Variants in MASP1 observed in about 807,000 individuals in gnomAD.
MASP1 encodes the protein MBL associated serine protease 1.
A neutral mutation model predicts 77.1 loss-of-function variants in MASP1; 59 were observed. The ratio of observed to expected loss-of-function variants is 0.77; its 90% confidence interval spans 0.62 to 0.95. The LOEUF is 0.95. Ranked by LOEUF, MASP1 falls within the 40% of genes least tolerant of loss-of-function variation. The probability of loss-of-function intolerance (pLI) is 0.00; values close to 1 mark genes in which losing one functional copy is unlikely to be tolerated. For missense variants in MASP1, 885 were observed against 912.9 expected, an observed-to-expected ratio of 0.97 and a Z score of 0.39; for synonymous variants, 362 against 354.5, an observed-to-expected ratio of 1.02 and a Z score of -0.24.
intron 8 of MASP1, 179 bp from the exon 9 acceptor site, chr3:187,243,800 C>A: frequency 1.4e-6 from 1 of 721,694 alleles, no homozygotes; most frequent in Admixed American, 2.0e-5. Flanking sequence ...TGAAGCTACC[C>A]ATGGTCCTGC....
At chr3:187,239,085 G>A (rs1226259443) in intron 10 of MASP1, among the ~76,000 whole-genome samples, 1 of 151,904 alleles carries the variant, frequency 6.6e-6, no homozygotes. Flanking sequence ...GCTCATGCCT[G>A]TAATCCCAGC....
downstream of MASP1, among the ~76,000 whole-genome samples, chr3:187,230,722 C>T (rs1270602545): frequency 1.3e-5 from 2 of 152,182 alleles, no homozygotes; most frequent in African/African-American, 4.8e-5. Flanking sequence ...CCTCGGAGAC[C>T]ATCTGGTCTA....
chr3:187,260,710 G>A, intron 4 of MASP1, 31 bp downstream of exon 4: 2 of 1,613,948 alleles, frequency 1.2e-6, no homozygotes, highest in Non-Finnish European at 1.7e-6. Flanking sequence ...GGCCTATAAG[G>A]GCAATGCATA....
At chr3:187,243,434 G>A in intron 9 of MASP1, 50 bp downstream of exon 9, 1 of 1,608,092 alleles carries the variant, frequency 6.2e-7, no homozygotes, top group Non-Finnish European at 8.5e-7. Context: ...CAACCCTGAG[G>A]CCCCGAGAGT....
intron 2 of MASP1, among the ~76,000 whole-genome samples, chr3:187,277,873 G>A (rs1241585002): frequency 6.6e-6 from 1 of 152,164 alleles, no homozygotes. Flanking sequence ...TTCGAATAGT[G>A]CTTTGGAAGC....
chr3:187,234,461 G>C lies in MASP1; in HGVS notation c.*1223C>G, dbSNP rs2108510768. On this transcript the variant is annotated 3_prime_UTR_variant, in exon 11 of 11. Coordinates refer to ENST00000296280, the MANE Select transcript of MASP1 (RefSeq NM_139125.4). ...CCAGCCTGTTGCTGACGGAGAACCA[G>C]AGACTCAGACAAAGAAAATGATTTT... is the stretch of plus-strand genomic sequence containing the variant. 1 of 1,285,710 alleles carries C rather than the reference G, an allele frequency of 7.8e-7. No homozygotes were observed. Among genetic ancestry groups the C allele is most frequent in the Middle Eastern group, 3.3e-4 (1 of 3,056 alleles). 79.6% of individuals were successfully genotyped at this position (1,285,710 alleles called of 1,614,324 possible).
chr3:187,243,866 A>C (rs958659186), intron 8 of MASP1: 106 of 544,280 alleles, frequency 1.9e-4, no homozygotes, highest in Admixed American at 1.3e-3. Flanking sequence ...TCACCTGCCC[A>C]GTGTCAATTT....
At chr3:187,241,724 A>C in intron 9 of MASP1, 169 bp from the exon 10 acceptor site, 1 of 580,930 alleles carries the variant, frequency 1.7e-6, no homozygotes, top group Non-Finnish European at 3.2e-6. Context: ...ACTAAGAAGA[A>C]TGAGGAAGAA....
At chr3:187,233,519 A>G (rs2108509707), downstream of MASP1, among the ~76,000 whole-genome samples, 1 of 152,142 alleles carries the variant, frequency 6.6e-6, no homozygotes, top group East Asian at 1.9e-4. Context: ...TGTTCCTTTT[A>G]CATTTAACTC....
chr3:187,264,967 A>G (rs1715896143), intron 2 of MASP1, among the ~76,000 whole-genome samples: 1 of 152,072 alleles, frequency 6.6e-6, no homozygotes, highest in African/African-American at 2.4e-5. Context: ...ACACTGCCGT[A>G]TTCTGCATTT....
At chr3:187,254,849 C>A (rs1714938944) in intron 5 of MASP1, among the ~76,000 whole-genome samples, 1 of 152,002 alleles carries the variant, frequency 6.6e-6, no homozygotes, top group African/African-American at 2.4e-5. Context: ...CTTTGAGGGC[C>A]ATGACTCCTT....
At chr3:187,276,066 A>T (rs1560031718) in intron 2 of MASP1, among the ~76,000 whole-genome samples, 1 of 150,644 alleles carries the variant, frequency 6.6e-6, no homozygotes, top group Non-Finnish European at 1.5e-5. Context: ...GGCACTTTCC[A>T]CCTGAGGGCA....
chr3:187,280,413 G>C (rs1717316700), intron 2 of MASP1, among the ~76,000 whole-genome samples: 1 of 152,226 alleles, frequency 6.6e-6, no homozygotes, highest in African/African-American at 2.4e-5. Flanking sequence ...TCCTTTTACA[G>C]TGAATAGATG....
intron 2 of MASP1, among the ~76,000 whole-genome samples, chr3:187,282,979 C>T (rs964548127): frequency 1.3e-5 from 2 of 152,188 alleles, no homozygotes; most frequent in Non-Finnish European, 1.5e-5. Context: ...CTCTGTTATG[C>T]CCAGAGGTCA....
chr3:187,262,470 A>G, intron 3 of MASP1, 73 bp downstream of exon 3: 1 of 1,431,028 alleles, frequency 7.0e-7, no homozygotes, highest in Non-Finnish European at 9.9e-7. Flanking sequence ...ATCGTAAAGG[A>G]GAGGTCACAA....
intron 4 of MASP1, among the ~76,000 whole-genome samples, chr3:187,257,692 A>G (rs1171473413): frequency 6.6e-6 from 1 of 152,160 alleles, no homozygotes; most frequent in Admixed American, 6.5e-5. Context: ...GCCTCCTTAC[A>G]TATTTTAAAT....
intron 2 of MASP1, among the ~76,000 whole-genome samples, chr3:187,264,182 A>G (rs909119847): frequency 2.4e-4 from 37 of 152,354 alleles, no homozygotes; most frequent in Admixed American, 2.0e-3. Flanking sequence ...TGGGAGTTTC[A>G]AAGAAAAACA....
At chr3:187,277,217 G>A (rs1717037194) in intron 2 of MASP1, among the ~76,000 whole-genome samples, 1 of 152,144 alleles carries the variant, frequency 6.6e-6, no homozygotes, top group Admixed American at 6.5e-5. Flanking sequence ...CTAGGCCAGA[G>A]CCCTTTCCAC....
rs774753334 is a variant in MASP1, at chr3:187,235,911, C to T, written c.1960G>A (p.Glu654Lys). Residue 654 changes from glutamate to lysine, a missense_variant, in exon 11 of 11, where the codon GAG (glutamate) becomes AAG (lysine). Glu to Lys is a moderately conservative substitution (Grantham distance 56). Transcript: ENST00000296280. ...CCAAGGCACGTGTCTTTGCCGCCCT[C>T]GTAGTAGCCAGCACAGAACATGTTC... Reference protein sequence around the residue: ...TENMFCAGYYEGGKDTCLGDS... With the variant: ...TENMFCAGYYKGGKDTCLGDS... The T allele has an allele frequency of 1.1e-5, 18 of 1,614,104 alleles. No homozygotes were observed. Among genetic ancestry groups the T allele is most frequent in the East Asian group, 6.7e-5 (3 of 44,896 alleles).
Sources: gnomAD v4.1 joint callset for allele counts (sites outside exome capture counted in the v4.1 genomes callset) on GRCh38, gnomAD v4.1.1 for gene constraint, MANE v1.5 for transcripts, NCBI Gene and HGNC (gene_info 2026-07-23, HGNC 2026-07-21) for gene names.